WDR64: variants seen among roughly 807,000 people sequenced by gnomAD.
WDR64 encodes WD repeat-containing protein 64.
Under a neutral mutation model 139.3 loss-of-function variants are expected in WDR64, and 112 were observed. The ratio of observed to expected loss-of-function variants is 0.80; its 90% confidence interval spans 0.69 to 0.94. WDR64 has a LOEUF of 0.94. Ranked by LOEUF, WDR64 falls within the 40% of genes least tolerant of loss-of-function variation. The pLI is 0.00. For synonymous variants in WDR64, 444 were observed against 437.7 expected (o/e 1.01, Z -0.18); for missense variants, 1,206 against 1,293.1 (o/e 0.93, Z 1.03).
At chr1:241,783,682 G>A (rs1032806618) in intron 23 of WDR64, among the ~76,000 whole-genome samples, 9 of 152,060 alleles carry the variant, frequency 5.9e-5, no homozygotes, top group South Asian at 2.1e-4. Flanking sequence ...TAGCTATCTC[G>A]GAGAGTTAGA....
At chr1:241,776,436 G>A (rs1173242021) in intron 21 of WDR64, among the ~76,000 whole-genome samples, 4 of 151,998 alleles carry the variant, frequency 2.6e-5, no homozygotes, top group African/African-American at 4.8e-5. Flanking sequence ...CAATTGAGTC[G>A]TCTGGACCTT....
intron 14 of WDR64, among the ~76,000 whole-genome samples, chr1:241,752,911 A>G (rs1670033286): frequency 6.6e-6 from 1 of 152,218 alleles, no homozygotes; most frequent in African/African-American, 2.4e-5. Flanking sequence ...AGGTGGGCAC[A>G]TAAATCTAAC....
chr1:241,742,715 G>T (rs1316108624), intron 12 of WDR64, among the ~76,000 whole-genome samples: 1 of 152,120 alleles, frequency 6.6e-6, no homozygotes, highest in Non-Finnish European at 1.5e-5. Context: ...TCATAAACTT[G>T]CTTTCGCTTT....
At chr1:241,751,781 G>A (rs544773605) in intron 14 of WDR64, among the ~76,000 whole-genome samples, 1 of 152,242 alleles carries the variant, frequency 6.6e-6, no homozygotes, top group East Asian at 1.9e-4. Flanking sequence ...GTAACAAGAG[G>A]GCAGACCGTA....
In WDR64 at chr1:241,703,171, C is replaced by A. The variant is rs528324769; in HGVS notation, c.975-8631C>A. 2.1e-3 allele frequency among the ~76,000 whole-genome samples: 314 copies of A among 152,296 alleles called. 1 individual carries two copies. The highest frequency in any genetic ancestry group is 3.5e-3 in the Non-Finnish European group (238 of 68,018). Reference sequence around the variant, plus strand: ...TTCCCCACCAACTACCTCACCGTCACCGGGAGAAAATATCGAGGGACTCTG... The same window carrying A: ...TTCCCCACCAACTACCTCACCGTCAACGGGAGAAAATATCGAGGGACTCTG... On this transcript the variant is annotated intron_variant, in intron 8 of 27. Coordinates refer to ENST00000437684, the MANE Select transcript of WDR64 (RefSeq NM_001367482.1). The surrounding 1 kb of genome is among the most constrained non-coding windows in gnomAD (Gnocchi z 5.9).
Position 241,789,195 on chromosome 1 carries a change from T to G in WDR64, c.2891+1161T>G, listed in dbSNP as rs181946885. Among the ~76,000 whole-genome samples, 63 of 152,236 alleles carry G rather than the reference T, an allele frequency of 4.1e-4. 1 individual carries two copies. Among genetic ancestry groups the G allele is most frequent in the Non-Finnish European group, 6.3e-4 (43 of 68,012 alleles). On this transcript the variant is annotated intron_variant, in intron 24 of 27. Transcript: ENST00000437684. ...CAGAAGCATGAAAGGGCATGGTACA[T>G]ACAGGACAGCTTTAGCGTAGGACAC...
chr1:241,652,748 A>G, intron 1 of WDR64, 119 bp downstream of exon 1: 1 of 1,200,472 alleles, frequency 8.3e-7, no homozygotes, highest in South Asian at 1.7e-5. Context: ...CTGAAAGGGG[A>G]TGAAGACCTC....
At chr1:241,773,005 GTTC>G in intron 20 of WDR64, 74 bp downstream of exon 20, 1 of 1,454,372 alleles carries the variant, frequency 6.9e-7, no homozygotes, top group Non-Finnish European at 9.2e-7. Flanking sequence ...GAATCTTAGT[GTTC>G]TTCCATATGG....
rs193223454 is a variant in WDR64, at chr1:241,652,506, C to A, written c.22C>A (p.Arg8Ser). Residue 8 changes from arginine (R) to serine (S), a missense_variant, in exon 1 of 28, where the codon CGT becomes AGT. Physicochemically the swap from Arg to Ser is moderately radical, Grantham distance 110. Coordinates refer to ENST00000437684, the MANE Select transcript of WDR64 (RefSeq NM_001367482.1). MDIRKEKRLNMALQMSNF... is the reference protein window; with the variant it reads MDIRKEKSLNMALQMSNF... ...CCCTATGGATATCAGGAAGGAAAAG[C>A]GTCTCAACATGGCACTTCAGATGAG... is the stretch of plus-strand genomic sequence containing the variant. 2 of 1,552,190 alleles carry A rather than the reference C, an allele frequency of 1.3e-6. No homozygotes were observed. The highest frequency in any genetic ancestry group is 3.9e-5 in the Admixed American group (2 of 51,002).
At chr1:241,713,872 T>A (rs1419411149) in intron 9 of WDR64, among the ~76,000 whole-genome samples, 1 of 152,112 alleles carries the variant, frequency 6.6e-6, no homozygotes, top group Non-Finnish European at 1.5e-5. Context: ...CTTTTGGGGA[T>A]TAGTAAGAGA....
chr1:241,679,669 TTCTC>T, intron 6 of WDR64, 74 bp downstream of exon 6: 1 of 1,236,192 alleles, frequency 8.1e-7, no homozygotes, highest in Non-Finnish European at 1.2e-6. Context: ...GCAATCCACT[TTCTC>T]TATTGAACAT....
At chr1:241,719,576 A>G (rs931410020) in intron 9 of WDR64, among the ~76,000 whole-genome samples, 6 of 152,172 alleles carry the variant, frequency 3.9e-5, no homozygotes, top group Non-Finnish European at 8.8e-5. Context: ...AAATAATCAT[A>G]GAATTATGGA....
intron 15 of WDR64, among the ~76,000 whole-genome samples, chr1:241,763,877 G>C (rs1658030554): frequency 6.6e-6 from 1 of 152,204 alleles, no homozygotes; most frequent in African/African-American, 2.4e-5. Flanking sequence ...CTGCACTGTA[G>C]AAGTACAGCA....
intron 16 of WDR64, among the ~76,000 whole-genome samples, chr1:241,768,147 C>A (rs1017859812): frequency 6.6e-6 from 1 of 152,148 alleles, no homozygotes; most frequent in Non-Finnish European, 1.5e-5. Context: ...GTTAAAGTGC[C>A]TTGTTATTTT....
chr1:241,714,560 GCTGGGGAAT>G (rs1331542724), intron 9 of WDR64, among the ~76,000 whole-genome samples: 4 of 151,944 alleles, frequency 2.6e-5, no homozygotes, highest in African/African-American at 4.8e-5. Flanking sequence ...CTATTTCATG[GCTGGGGAAT>G]CTCCCCTAAG....
chr1:241,747,000 A>G (rs1669784623), intron 13 of WDR64, among the ~76,000 whole-genome samples: 1 of 152,232 alleles, frequency 6.6e-6, no homozygotes, highest in Middle Eastern at 3.4e-3. Flanking sequence ...ACCTCAAATG[A>G]TCTGCCCGCT....
At position 241,749,657 on chromosome 1, in the gene WDR64, G is replaced by A. The variant is rs772928037; in HGVS notation, c.1705G>A (p.Ala569Thr). The A allele has an allele frequency of 9.3e-6, 15 of 1,614,014 alleles. No homozygotes were observed. The highest frequency in any genetic ancestry group is 1.6e-4 in the Middle Eastern group (1 of 6,084). Residue 569 changes from alanine to threonine, a missense_variant, in exon 14 of 28, where the codon GCC (alanine) becomes ACC (threonine). Coordinates refer to ENST00000437684, the MANE Select transcript of WDR64 (RefSeq NM_001367482.1). ...HCLRRLIFLK[A>T]QEKHQQLVLA... Reference sequence around the variant, plus strand: ...CCTACGACGCCTCATTTTCCTCAAAGCCCAAGAAAAACACCAGCAGCTGGT... The same window carrying A: ...CCTACGACGCCTCATTTTCCTCAAAACCCAAGAAAAACACCAGCAGCTGGT...
At chr1:241,674,506 T>C (rs548484256) in intron 3 of WDR64, 138 bp from the exon 4 acceptor site, 2 of 560,896 alleles carry the variant, frequency 3.6e-6, no homozygotes, top group South Asian at 2.2e-5. Context: ...CCACCTTCCT[T>C]AGCCTCTCAA....
chr1:241,755,705 A>G (rs1217959802), intron 14 of WDR64, among the ~76,000 whole-genome samples: 1 of 152,188 alleles, frequency 6.6e-6, no homozygotes, highest in African/African-American at 2.4e-5. Context: ...CTTACATTTA[A>G]GTCTTTAATC....
Sources: allele counts gnomAD v4.1 joint callset (sites outside exome capture counted in the v4.1 genomes callset), GRCh38; gene constraint gnomAD v4.1.1; non-coding constraint Gnocchi (gnomAD v3.1); transcripts MANE v1.5; gene names NCBI Gene and HGNC (gene_info 2026-07-23, HGNC 2026-07-21).